Variants in STARD8 observed in about 807,000 individuals in gnomAD.
STARD8 encodes the protein stAR-related lipid transfer protein 8.
STARD8 carries 25 observed loss-of-function variants against 69.4 expected under a neutral mutation model. That is an observed-to-expected ratio of 0.36 (90% CI 0.26 to 0.50). The LOEUF is 0.50. Among genes scored for constraint, STARD8 ranks in the 20% least tolerant of loss-of-function variants. The pLI is 0.96. For synonymous variants in STARD8, 389 were observed against 374.6 expected (o/e 1.04, Z -0.45); for missense variants, 921 against 932.5 (o/e 0.99, Z 0.16).
intron 2 of STARD8, among the ~76,000 whole-genome samples, chrX:68,712,206 A>G (rs923804283): frequency 9.0e-6 from 1 of 111,377 alleles, no homozygotes; most frequent in African/African-American, 3.3e-5. Flanking sequence ...ACTATGACAC[A>G]AATAGGCCAA....
chrX:68,697,107 T>C (rs967264261), intron 2 of STARD8, among the ~76,000 whole-genome samples: 3 of 112,234 alleles, frequency 2.7e-5, no homozygotes, highest in Non-Finnish European at 5.6e-5. Context: ...AGTTCATCTA[T>C]ACATATTTCA....
At chrX:68,720,165 G>T in intron 7 of STARD8, 99 bp from the exon 8 acceptor site, 1 of 988,502 alleles carries the variant, frequency 1.0e-6, no homozygotes, top group Non-Finnish European at 1.3e-6. Flanking sequence ...GCAGTGGTGT[G>T]TGCCTTACCC....
chrX:68,719,193 G>A, intron 6 of STARD8, 32 bp from the exon 7 acceptor site: 2 of 1,145,966 alleles, frequency 1.7e-6, no homozygotes, highest in Non-Finnish European at 2.3e-6. Flanking sequence ...GCTCCTCTGG[G>A]CTTCTCCACC....
chrX:68,660,892 G>A (rs765752668), intron 1 of STARD8, among the ~76,000 whole-genome samples: 3 of 112,199 alleles, frequency 2.7e-5, no homozygotes, highest in South Asian at 3.7e-4. Flanking sequence ...GCCTGGGGGC[G>A]GTGAGAGCCC....
intron 2 of STARD8, among the ~76,000 whole-genome samples, chrX:68,687,418 C>G (rs934756606): frequency 8.9e-6 from 1 of 112,070 alleles, no homozygotes; most frequent in Non-Finnish European, 1.9e-5. Context: ...TCTCGAGACT[C>G]GAACTTCTGA....
At chrX:68,711,977 C>T (rs1048301793) in intron 2 of STARD8, among the ~76,000 whole-genome samples, 5 of 112,850 alleles carry the variant, frequency 4.4e-5, no homozygotes, top group African/African-American at 1.6e-4. Context: ...AGCAAATAAC[C>T]GCCCAGGCAG....
chrX:68,695,178 C>T lies in STARD8; in HGVS notation c.80-17736C>T, dbSNP rs141973609. 5.2e-3 allele frequency among the ~76,000 whole-genome samples: 549 copies of T among 105,228 alleles called. 2 individuals are homozygous for T. Among genetic ancestry groups the T allele is most frequent in the African/African-American group, 0.018 (523 of 28,526 alleles). The allele number at this position is 105,228 out of a possible 115,157, so 91.4% of individuals were successfully genotyped here. A position where few individuals can be genotyped will look rare whatever the true frequency, so the allele number is the denominator to read the frequency against. The stretch of plus-strand genomic sequence containing the variant: ...GGGGGACAAATCTTGTCTGCGGATG[C>T]GATGGGAAGGTGGGCAGCCCAAAGG... On this transcript the variant is annotated intron_variant, in intron 2 of 14. Transcript: ENST00000374599.
chrX:68,665,095 C>T (rs772774295), intron 1 of STARD8, among the ~76,000 whole-genome samples: 21 of 112,288 alleles, frequency 1.9e-4, no homozygotes, highest in Non-Finnish European at 3.8e-4. Context: ...CCAACACATC[C>T]TGTTTCTAGC....
chrX:68,678,223 G>A (rs908491180), intron 2 of STARD8, among the ~76,000 whole-genome samples: 1 of 111,589 alleles, frequency 9.0e-6, no homozygotes, highest in African/African-American at 3.3e-5. Flanking sequence ...AGGAGAAACA[G>A]TCAGGACCAG....
At position 68,724,526 on chromosome X, in the gene STARD8, A is replaced by C. The variant is rs2080183194; in HGVS notation, c.*104A>C. The C allele has an allele frequency of 1.5e-6, 1 of 664,194 alleles. No individual in the cohort carries two copies. The highest frequency in any genetic ancestry group is 2.2e-5 in the African/African-American group (1 of 46,011). 54.7% of individuals were successfully genotyped at this position (664,194 alleles called of 1,213,427 possible). Reference sequence around the variant, plus strand: ...CCCCCTGGGTGCCGCTGTCAGGAGCAGAGCCAGGCCCAGGTGGCTCCAGCT... The same window carrying C: ...CCCCCTGGGTGCCGCTGTCAGGAGCCGAGCCAGGCCCAGGTGGCTCCAGCT... On this transcript the variant is annotated 3_prime_UTR_variant, in exon 15 of 15. Coordinates refer to ENST00000374599, the MANE Select transcript of STARD8 (RefSeq NM_001142503.3).
intron 2 of STARD8, among the ~76,000 whole-genome samples, chrX:68,669,673 G>A (rs887488447): frequency 1.8e-5 from 2 of 112,222 alleles, no homozygotes; most frequent in African/African-American, 3.2e-5. Context: ...GCCCCTGCTC[G>A]CAACCCAACT....
chrX:68,668,073 C>A (rs1014152641), intron 2 of STARD8, among the ~76,000 whole-genome samples: 111 of 87,590 alleles, frequency 1.3e-3, no homozygotes, highest in Middle Eastern at 0.012. Flanking sequence ...TTCTTTCTTT[C>A]TTTCTTTCTT....
At chrX:68,685,364 G>T (rs2079825075) in intron 2 of STARD8, among the ~76,000 whole-genome samples, 1 of 111,824 alleles carries the variant, frequency 8.9e-6, no homozygotes, top group African/African-American at 3.3e-5. Flanking sequence ...AACAGAAGTA[G>T]AATGGAAATG....
chrX:68,705,849 GA>G (rs1392115982), intron 2 of STARD8, among the ~76,000 whole-genome samples: 1 of 112,964 alleles, frequency 8.9e-6, no homozygotes, highest in African/African-American at 3.2e-5. Flanking sequence ...TCCCCTGGGG[GA>G]AAAATTGTCC....
At position 68,677,154 on chromosome X, in the gene STARD8, T is replaced by TA. The variant is rs1407381798; in HGVS notation, c.79+11632dup. Reference sequence around the variant, plus strand: ...GAGTGAGACCCTGTCTCAAAAAAATTAAAAAAAAAAGTTTTGAACAGAGCG... The same window carrying TA: ...GAGTGAGACCCTGTCTCAAAAAAATTAAAAAAAAAAAGTTTTGAACAGAGCG... On this transcript the variant is annotated intron_variant, in intron 2 of 14. Coordinates refer to ENST00000374599, the MANE Select transcript of STARD8 (RefSeq NM_001142503.3). Among the ~76,000 whole-genome samples, 443 of 106,976 alleles carry TA rather than the reference T, an allele frequency of 4.1e-3. 5 individuals carry two copies. Among genetic ancestry groups the TA allele is most frequent in the African/African-American group, 0.014 (415 of 29,349 alleles). The allele number at this position is 106,976 out of a possible 115,157, so 92.9% of individuals were successfully genotyped here.
intron 2 of STARD8, among the ~76,000 whole-genome samples, chrX:68,701,941 A>G (rs2079969588): frequency 8.9e-6 from 1 of 111,860 alleles, no homozygotes; most frequent in South Asian, 3.8e-4. Context: ...GAGGTTGTCC[A>G]GAAGCTGTAG....
intron 2 of STARD8, among the ~76,000 whole-genome samples, chrX:68,702,022 G>T (rs1195508855): frequency 9.0e-6 from 1 of 111,717 alleles, no homozygotes; most frequent in African/African-American, 3.3e-5. Context: ...TGTACTAGCT[G>T]CCAGCTCCAT....
At chrX:68,697,002 T>C (rs1199649857) in intron 2 of STARD8, among the ~76,000 whole-genome samples, 2 of 111,890 alleles carry the variant, frequency 1.8e-5, no homozygotes, top group Non-Finnish European at 3.8e-5. Flanking sequence ...TCACCCAGTT[T>C]CAACAGCCAT....
intron 12 of STARD8, among the ~76,000 whole-genome samples, chrX:68,723,244 A>G (rs1398492550): frequency 1.8e-5 from 2 of 112,509 alleles, no homozygotes; most frequent in Non-Finnish European, 3.8e-5. Context: ...TGCCTGGTAC[A>G]TACTAAAGGT....
Sources: allele counts gnomAD v4.1 joint callset (sites outside exome capture counted in the v4.1 genomes callset), GRCh38; gene constraint gnomAD v4.1.1; transcripts MANE v1.5; gene names NCBI Gene and HGNC (gene_info 2026-07-23, HGNC 2026-07-21).